The following CASC3 variants were observed in gnomAD, a reference collection of about 807,000 sequenced individuals.
The protein encoded by CASC3 is CASC3 exon junction complex subunit, also known as protein CASC3.
In CASC3, 30 loss-of-function variants were observed where a neutral mutation model predicts 80.5. The ratio of observed to expected loss-of-function variants is 0.37; its 90% confidence interval spans 0.28 to 0.51. The LOEUF (loss-of-function observed/expected upper bound fraction) is 0.51, where lower values mean the gene tolerates loss of function less well. Among genes scored for constraint, CASC3 ranks in the 20% least tolerant of loss-of-function variants. The pLI, the probability that CASC3 is intolerant of heterozygous loss-of-function variation, is 0.94. For missense variants in CASC3, 824 were observed against 922.2 expected, an observed-to-expected ratio of 0.89 and a Z score of 1.38; for synonymous variants, 312 against 333.6, an observed-to-expected ratio of 0.94 and a Z score of 0.70.
intron 8 of CASC3, 85 bp from the exon 9 acceptor site, chr17:40,167,413 T>A: frequency 1.2e-6 from 1 of 864,814 alleles, no homozygotes; most frequent in Non-Finnish European, 1.9e-6. Flanking sequence ...ATGTACCAAG[T>A]GTTTTTCAAC....
chr17:40,162,627 T>A, intron 5 of CASC3, 98 bp from the exon 6 acceptor site: 1 of 1,102,142 alleles, frequency 9.1e-7, no homozygotes, highest in East Asian at 2.5e-5. Context: ...TACGTAAAGT[T>A]CCTATTGTCC....
intron 3 of CASC3, among the ~76,000 whole-genome samples, chr17:40,151,491 C>T (rs546059344): frequency 6.5e-4 from 99 of 152,008 alleles, no homozygotes; most frequent in Non-Finnish European, 1.0e-3. Context: ...GGATTACAGG[C>T]GTAAGTCACC....
rs1473041383 is a variant in CASC3 at position 40,170,934 on chromosome 17, A to G, written c.*529A>G. 2 of 984,424 alleles carry G rather than the reference A, an allele frequency of 2.0e-6. No homozygotes were observed. The highest frequency in any genetic ancestry group is 2.4e-6 in the Non-Finnish European group (2 of 829,732). The allele number at this position is 984,424 out of a possible 1,614,324, so 61.0% of individuals were successfully genotyped here. On this transcript the variant is annotated 3_prime_UTR_variant, in exon 14 of 14. Transcript: ENST00000264645. ...TCTAGCCCCTCTGGATTCCCTTTTG[A>G]CTCTTCCGTGCATCCCAGATAATGG...
At chr17:40,169,570 A>AT (rs1323958493) in intron 12 of CASC3, 28 bp from the exon 13 acceptor site, 33 of 1,590,838 alleles carry the variant, frequency 2.1e-5, no homozygotes, top group Non-Finnish European at 2.7e-5. Context: ...TTATGACCTG[A>AT]TAACAAATTC....
rs1354081695 is a variant in CASC3, at chr17:40,171,803, TTCCTTCCATCTA to T, written c.*1399_*1410del. Reference sequence around the variant, plus strand: ...CTCCCCGGTAATGTCACTGTTTTTATTCCTTCCATCTAGCAGCTGGCCTAATCACTCTGAGTC... The same window carrying T: ...CTCCCCGGTAATGTCACTGTTTTTATGCAGCTGGCCTAATCACTCTGAGTC... On this transcript the variant is annotated 3_prime_UTR_variant, in exon 14 of 14. Coordinates refer to ENST00000264645, the MANE Select transcript of CASC3 (RefSeq NM_007359.5). The T allele has an allele frequency of 1.7e-6, 2 of 1,172,336 alleles. No homozygotes were observed. The highest frequency in any genetic ancestry group is 3.2e-5 in the African/African-American group (2 of 62,328). 72.6% of individuals were successfully genotyped at this position (1,172,336 alleles called of 1,614,324 possible). A position where few individuals can be genotyped will look rare whatever the true frequency, so the allele number is the denominator to read the frequency against.
intron 3 of CASC3, among the ~76,000 whole-genome samples, chr17:40,143,627 T>C (rs1183767550): frequency 6.6e-6 from 1 of 151,440 alleles, no homozygotes; most frequent in Admixed American, 6.6e-5. Flanking sequence ...GTCAAGAGAT[T>C]GAGACCATCC....
chr17:40,142,161 A>C (rs774426120), intron 3 of CASC3, among the ~76,000 whole-genome samples: 3 of 152,164 alleles, frequency 2.0e-5, no homozygotes, highest in Non-Finnish European at 4.4e-5. Context: ...GGGATTATAT[A>C]TAGGGGGAAT....
chr17:40,141,056 C>T, intron 1 of CASC3, 151 bp from the exon 2 acceptor site: 1 of 750,754 alleles, frequency 1.3e-6, no homozygotes, highest in South Asian at 1.7e-5. Context: ...ACCAGACCTG[C>T]CTTGGCTACT....
At chr17:40,168,495 A>G in intron 11 of CASC3, 78 bp downstream of exon 11, 1 of 1,258,752 alleles carries the variant, frequency 7.9e-7, no homozygotes, top group Non-Finnish European at 1.1e-6. Flanking sequence ...GGAGAATGCT[A>G]AAGGAATTTG....
intron 2 of CASC3, 21 bp from the exon 3 acceptor site, chr17:40,141,549 C>T: frequency 6.2e-7 from 1 of 1,610,794 alleles, no homozygotes; most frequent in South Asian, 1.1e-5. Context: ...TTTTTTTCCA[C>T]ATATTTCTGT....
intron 3 of CASC3, 59 bp from the exon 4 acceptor site, chr17:40,161,694 G>A: frequency 6.8e-7 from 1 of 1,475,194 alleles, no homozygotes; most frequent in Non-Finnish European, 9.4e-7. Context: ...GGCAGGGGTG[G>A]GAATTAAAAT....
chr17:40,152,168 A>T (rs1191593625), intron 3 of CASC3, among the ~76,000 whole-genome samples: 1 of 152,076 alleles, frequency 6.6e-6, no homozygotes, highest in Non-Finnish European at 1.5e-5. Context: ...AAGAGACAGA[A>T]CCTTTGTCAC....
chr17:40,164,599 A>G (rs1472589097), intron 7 of CASC3, among the ~76,000 whole-genome samples: 1 of 151,436 alleles, frequency 6.6e-6, no homozygotes, highest in East Asian at 1.9e-4. Context: ...GGCGTGCACT[A>G]CCACGCTGGG....
intron 3 of CASC3, among the ~76,000 whole-genome samples, chr17:40,156,986 C>T (rs536763523): frequency 2.0e-4 from 30 of 150,930 alleles, no homozygotes; most frequent in African/African-American, 7.3e-4. Context: ...GAGGCTGCAG[C>T]AAGCCATGAT....
Position 40,170,508 on chromosome 17 carries a change from CA to C in CASC3, c.*106del. The stretch of plus-strand genomic sequence containing the variant: ...TGGCTATCTACTACCAGAAGGGCTT[CA>C]AAGATATAGGGTGTGGCTCCTACCA... On this transcript the variant is annotated 3_prime_UTR_variant, in exon 14 of 14. Transcript: ENST00000264645. 1 of 985,518 alleles carries C rather than the reference CA, an allele frequency of 1.0e-6. No individual in the cohort carries two copies. 61.0% of individuals were successfully genotyped at this position (985,518 alleles called of 1,614,324 possible).
At position 40,171,468 on chromosome 17, in the gene CASC3, C is replaced by T. The variant is rs1231233377; in HGVS notation, c.*1063C>T. The T allele has an allele frequency of 9.1e-6, 9 of 987,402 alleles. No individual in the cohort carries two copies. The highest frequency in any genetic ancestry group is 1.1e-5 in the Non-Finnish European group (9 of 830,934). The allele number at this position is 987,402 out of a possible 1,614,324, so 61.2% of individuals were successfully genotyped here. On this transcript the variant is annotated 3_prime_UTR_variant, in exon 14 of 14. Transcript: ENST00000264645. Reference sequence around the variant, plus strand: ...TATCCAGCAAGCAGTCTACCCTGTCCTTTGCAATTGCTCTTCTCCACGTCT... The same window carrying T: ...TATCCAGCAAGCAGTCTACCCTGTCTTTTGCAATTGCTCTTCTCCACGTCT...
intron 10 of CASC3, 88 bp downstream of exon 10, chr17:40,168,036 C>T: frequency 7.1e-7 from 1 of 1,410,368 alleles, no homozygotes; most frequent in Non-Finnish European, 1.0e-6. Context: ...GAGCTTTGTG[C>T]TGCTAGCCTG....
Position 40,171,375 on chromosome 17 carries a change from T to C in CASC3, c.*970T>C, listed in dbSNP as rs1567686636. The C allele has an allele frequency of 1.0e-6, 1 of 985,998 alleles. No individual in the cohort carries two copies. The highest frequency in any genetic ancestry group is 1.2e-6 in the Non-Finnish European group (1 of 830,060). 61.1% of individuals were successfully genotyped at this position (985,998 alleles called of 1,614,324 possible). Reference sequence around the variant, plus strand: ...AATTAGAGGGCCTTGCTTCTCTTCTTTCCATTCTTCTTGCTACACCCCTTT... The same window carrying C: ...AATTAGAGGGCCTTGCTTCTCTTCTCTCCATTCTTCTTGCTACACCCCTTT... On this transcript the variant is annotated 3_prime_UTR_variant, in exon 14 of 14. Coordinates refer to ENST00000264645, the MANE Select transcript of CASC3 (RefSeq NM_007359.5).
intron 3 of CASC3, among the ~76,000 whole-genome samples, chr17:40,156,715 T>C (rs1410662146): frequency 2.0e-5 from 3 of 151,604 alleles, no homozygotes; most frequent in Non-Finnish European, 4.4e-5. Context: ...AAAAATAAAA[T>C]AGTTGACCTT....
Sources: gnomAD v4.1 joint callset for allele counts (sites outside exome capture counted in the v4.1 genomes callset) on GRCh38, gnomAD v4.1.1 for gene constraint, MANE v1.5 for transcripts, NCBI Gene and HGNC (gene_info 2026-07-23, HGNC 2026-07-21) for gene names.